The following NEB variants were observed in gnomAD, a reference collection of about 807,000 sequenced individuals.
NEB encodes nebulin, also known as nemaline myopathy type 2.
In NEB, 512 loss-of-function variants were observed where a neutral mutation model predicts 952.2. The observed-to-expected ratio is 0.54, with a 90% CI of 0.50 to 0.58. The LOEUF is 0.58. Among genes scored for constraint, NEB ranks in the 20% least tolerant of loss-of-function variants. The probability of loss-of-function intolerance (pLI) is 0.00; values close to 1 mark genes in which losing one functional copy is unlikely to be tolerated. For missense variants in NEB, 8,428 were observed against 9,231.1 expected, an observed-to-expected ratio of 0.91 and a Z score of 3.56; for synonymous variants, 2,900 against 3,149.8, an observed-to-expected ratio of 0.92 and a Z score of 2.66.
intron 73 of NEB, 132 bp downstream of exon 73, chr2:151,619,319 C>A: frequency 9.6e-7 from 1 of 1,038,612 alleles, no homozygotes; most frequent in Non-Finnish European, 1.4e-6. Flanking sequence ...CAATGGGAAA[C>A]TCCTTTCAGA....
At chr2:151,691,750 G>A (rs2099552925) in intron 23 of NEB, 114 bp downstream of exon 23, 2 of 847,632 alleles carry the variant, frequency 2.4e-6, no homozygotes, top group Middle Eastern at 2.2e-4. Context: ...AATGTAAAAT[G>A]TAATTATCTC....
intron 13 of NEB, among the ~76,000 whole-genome samples, chr2:151,704,274 A>G (rs1227739671): frequency 1.0e-5 from 1 of 95,444 alleles, no homozygotes; most frequent in African/African-American, 4.0e-5. Context: ...GCTGTCAGAC[A>G]GGGACATTTA....
chr2:151,522,264 C>T (rs1005635610), intron 153 of NEB, among the ~76,000 whole-genome samples: 5 of 151,812 alleles, frequency 3.3e-5, no homozygotes, highest in East Asian at 1.9e-4. Context: ...AGAACAGTCC[C>T]GAGAATTAGA....
In NEB at chr2:151,630,710, C is replaced by A. The variant is rs2098650427; in HGVS notation, c.9723+5G>T. Reference sequence around the variant, plus strand: ...CAATATAGCACCACAGATTTTTGCTCCTACCTCACTGTAGTTGATTTTGTT... The same window carrying A: ...CAATATAGCACCACAGATTTTTGCTACTACCTCACTGTAGTTGATTTTGTT... On this transcript the variant is annotated splice_donor_5th_base_variant and intron_variant, in intron 67 of 181. Transcript: ENST00000397345. The A allele has an allele frequency of 6.3e-7, 1 of 1,596,664 alleles. No homozygotes were observed. Among genetic ancestry groups the A allele is most frequent in the African/African-American group, 1.3e-5 (1 of 74,708 alleles).
chr2:151,704,333 C>T (rs2099692807), intron 13 of NEB, among the ~76,000 whole-genome samples: 4 of 137,804 alleles, frequency 2.9e-5, no homozygotes, highest in African/African-American at 1.1e-4. Flanking sequence ...GCCCTGCCCC[C>T]AGAGGTGGAG....
Position 151,679,703 on chromosome 2 carries a change from G to T in NEB, c.3255+18C>A. On this transcript the variant is annotated intron_variant, in intron 32 of 181. Transcript: ENST00000397345. ...CCACATTTTCTAGTTGCCCATGTAT[G>T]ACCACAGCTGGACTTACGTCACTCG... The T allele has an allele frequency of 9.4e-6, 6 of 637,800 alleles. No individual in the cohort carries two copies. Among genetic ancestry groups the T allele is most frequent in the South Asian group, 2.8e-5 (2 of 70,666 alleles). The allele number at this position is 637,800 out of a possible 1,614,324, so 39.5% of individuals were successfully genotyped here.
intron 105 of NEB, among the ~76,000 whole-genome samples, chr2:151,578,179 T>A (rs550107741): frequency 3.1e-4 from 47 of 152,288 alleles, no homozygotes; most frequent in African/African-American, 1.1e-3. Flanking sequence ...TAAATAACCT[T>A]CTGTAATCCA....
intron 172 of NEB, 42 bp from the exon 173 acceptor site, chr2:151,496,410 C>T (rs1220815819): frequency 5.7e-6 from 9 of 1,566,326 alleles, no homozygotes; most frequent in Middle Eastern, 1.7e-4. Context: ...CCATGAGTAA[C>T]ATTTCATTTG....
intron 138 of NEB, among the ~76,000 whole-genome samples, chr2:151,538,448 G>A (rs1008308529): frequency 2.0e-5 from 3 of 152,096 alleles, no homozygotes; most frequent in Non-Finnish European, 2.9e-5. Context: ...GAGTTTAACC[G>A]ATCATAATGT....
chr2:151,501,351 TATTTTTTAATATGGAGTTAAAGA>T lies in NEB; in HGVS notation c.24021+17_24021+39del. On this transcript the variant is annotated intron_variant, in intron 168 of 181. Transcript: ENST00000397345. ...AGATGTTCTGTTTTGTAGAAATTAT[TATTTTTTAATATGGAGTTAAAGA>T]GCTTTCTCCCAAATACCGAGCTAAA... 1 of 1,293,312 alleles carries T rather than the reference TATTTTTTAATATGGAGTTAAAGA, an allele frequency of 7.7e-7. No homozygotes were observed. The highest frequency in any genetic ancestry group is 2.5e-5 in the East Asian group (1 of 39,710). 80.1% of individuals were successfully genotyped at this position (1,293,312 alleles called of 1,614,324 possible). A position where few individuals can be genotyped will look rare whatever the true frequency, so the allele number is the denominator to read the frequency against.
intron 124 of NEB, among the ~76,000 whole-genome samples, chr2:151,555,534 T>C (rs896936917): frequency 6.6e-5 from 10 of 152,210 alleles, no homozygotes; most frequent in Non-Finnish European, 1.5e-5. Flanking sequence ...CTTTCAAAAA[T>C]ACAGTGCAAT....
intron 27 of NEB, 55 bp downstream of exon 27, chr2:151,687,364 G>A (rs1576358684): frequency 2.1e-6 from 3 of 1,444,006 alleles, no homozygotes; most frequent in East Asian, 4.5e-5. Flanking sequence ...CTACCCTTGG[G>A]CATCGTAACA....
At chr2:151,490,350 A>T (rs1574539175) in intron 180 of NEB, 22 bp downstream of exon 180, 3 of 1,581,230 alleles carry the variant, frequency 1.9e-6, no homozygotes, top group South Asian at 2.3e-5. Context: ...GGACTGCCAA[A>T]ATCAGCGCCA....
intron 3 of NEB, among the ~76,000 whole-genome samples, chr2:151,729,988 G>A (rs185468841): frequency 6.6e-6 from 1 of 152,272 alleles, no homozygotes; most frequent in East Asian, 1.9e-4. Flanking sequence ...AATTTGCTGA[G>A]AAGAGAATAC....
intron 36 of NEB, 111 bp from the exon 37 acceptor site, chr2:151,672,791 C>CA (rs1575788702): frequency 1.0e-6 from 1 of 986,666 alleles, no homozygotes; most frequent in Non-Finnish European, 1.5e-6. Flanking sequence ...CAAGAGTGTA[C>CA]AAAAAATGCA....
intron 161 of NEB, among the ~76,000 whole-genome samples, chr2:151,510,830 GT>G (rs1189579944): frequency 6.6e-6 from 1 of 152,166 alleles, no homozygotes; most frequent in African/African-American, 2.4e-5. Context: ...CTACTGTATA[GT>G]ATCCTAAATT....
intron 157 of NEB, among the ~76,000 whole-genome samples, chr2:151,516,020 T>C (rs1419220506): frequency 6.6e-6 from 1 of 152,210 alleles, no homozygotes; most frequent in Admixed American, 6.5e-5. Context: ...ATAACGAATA[T>C]GGCATCTTCA....
At position 151,547,641 on chromosome 2, in the gene NEB, A is replaced by C. The variant is rs761572779; in HGVS notation, c.20255T>G (p.Val6752Gly). 8.1e-6 allele frequency: 13 copies of C among 1,613,686 alleles called. No individual in the cohort carries two copies. In the South Asian group the frequency reaches 1.3e-4, roughly 16 times the overall value. The change falls in exon 132 of 182, where the codon GTC becomes GGC. Residue 6752 changes from valine (V) to glycine (G), a missense_variant. Val to Gly is a moderately radical substitution (Grantham distance 109). Coordinates refer to ENST00000397345, the MANE Select transcript of NEB (RefSeq NM_001164508.2). ...TCCTAAGAAAATACCCACCTCACTG[A>C]CAGCCTCTTGTGTCTTCTTGACTTG... ...IRQVKKTQEA[V>G]SELIYKSDFF...
At chr2:151,638,898 C>G (rs528387620) in intron 63 of NEB, among the ~76,000 whole-genome samples, 7 of 151,670 alleles carry the variant, frequency 4.6e-5, no homozygotes, top group African/African-American at 1.5e-4. Flanking sequence ...TACTAAAAAT[C>G]TTAAATTTGG....
Sources: allele counts gnomAD v4.1 joint callset (sites outside exome capture counted in the v4.1 genomes callset), GRCh38; gene constraint gnomAD v4.1.1; transcripts MANE v1.5; gene names NCBI Gene and HGNC (gene_info 2026-07-23, HGNC 2026-07-21).